Variants in ST7L observed in about 807,000 individuals in gnomAD.
ST7L encodes suppressor of tumorigenicity 7 protein-like.
A neutral mutation model predicts 72.5 loss-of-function variants in ST7L; 57 were observed. The observed-to-expected ratio is 0.79, with a 90% CI of 0.64 to 0.98. The LOEUF is 0.98. Ranked by LOEUF, ST7L falls within the 50% of genes least tolerant of loss-of-function variation. ST7L has a pLI of 0.00. For missense variants in ST7L, 576 were observed against 672.2 expected, an observed-to-expected ratio of 0.86 and a Z score of 1.58; for synonymous variants, 221 against 240.9, an observed-to-expected ratio of 0.92 and a Z score of 0.77.
intron 1 of ST7L, among the ~76,000 whole-genome samples, chr1:112,617,454 A>G (rs1035815813): frequency 6.6e-6 from 1 of 152,150 alleles, no homozygotes; most frequent in African/African-American, 2.4e-5. Context: ...GCTCACTCCC[A>G]TAATCTCAGA....
Position 112,555,999 on chromosome 1 carries a change from CTT to C in ST7L, c.1263_1264del (p.Ser422PhefsTer13). 6.2e-7 allele frequency: 1 copy of C among 1,602,874 alleles called. No individual in the cohort carries two copies. The highest frequency in any genetic ancestry group is 8.5e-7 in the Non-Finnish European group (1 of 1,174,158). ...AATGTGTTCTGGAGGTAAAATTAAA[CTT>C]TTCATCTCTAATAAATACTGAAAGA... On this transcript the variant is annotated frameshift_variant, in exon 12 of 15. Coordinates refer to ENST00000358039, the MANE Select transcript of ST7L (RefSeq NM_017744.5). LOFTEE classifies it high-confidence loss of function.
chr1:112,538,831 A>G (rs1223279864), intron 14 of ST7L, among the ~76,000 whole-genome samples: 11 of 152,306 alleles, frequency 7.2e-5, no homozygotes, highest in Non-Finnish European at 1.3e-4. Flanking sequence ...ACACTCACCT[A>G]GTTTTTACTG....
At chr1:112,618,842 C>A in intron 1 of ST7L, 67 bp downstream of exon 1, 2 of 1,533,144 alleles carry the variant, frequency 1.3e-6, no homozygotes, top group South Asian at 1.2e-5. Flanking sequence ...ATCTCTTGCC[C>A]TTTGGCTCTT....
chr1:112,591,572 A>C lies in ST7L; in HGVS notation c.654T>G (p.Pro218=). The C allele has an allele frequency of 6.2e-7, 1 of 1,611,694 alleles. No homozygotes were observed. The change falls in exon 6 of 15, where the codon CCT becomes CCG. Residue 218 remains proline (P), a synonymous_variant. Transcript: ENST00000358039. ...VMQKAWRERN[P]PARIKAAYQA... Reference sequence around the variant, plus strand: ...GATAGGCTGCTTTGATTCGAGCTGGAGGATTTCTTTCCCTCCAAGCCTTCT... The same window carrying C: ...GATAGGCTGCTTTGATTCGAGCTGGCGGATTTCTTTCCCTCCAAGCCTTCT...
intron 11 of ST7L, among the ~76,000 whole-genome samples, chr1:112,575,522 A>G (rs758282105): frequency 1.4e-4 from 21 of 152,238 alleles, no homozygotes; most frequent in Non-Finnish European, 2.9e-4. Context: ...CTATGATACC[A>G]TGACAGTCGA....
At chr1:112,574,414 C>G (rs1485911170) in intron 11 of ST7L, among the ~76,000 whole-genome samples, 5 of 151,630 alleles carry the variant, frequency 3.3e-5, no homozygotes, top group Non-Finnish European at 7.4e-5. Flanking sequence ...AATCCCAGCA[C>G]TTTGGGAGGC....
At chr1:112,548,188 G>A (rs1283080260) in intron 13 of ST7L, among the ~76,000 whole-genome samples, 2 of 151,870 alleles carry the variant, frequency 1.3e-5, no homozygotes. Context: ...AACCCTGTCT[G>A]TACTAAAAAT....
intron 3 of ST7L, among the ~76,000 whole-genome samples, chr1:112,603,128 A>T (rs947246464): frequency 2.6e-5 from 4 of 152,218 alleles, no homozygotes; most frequent in Non-Finnish European, 4.4e-5. Flanking sequence ...TGAAATTTTT[A>T]AAAATGTATG....
chr1:112,576,156 T>C (rs1387057569), intron 11 of ST7L, among the ~76,000 whole-genome samples: 1 of 152,140 alleles, frequency 6.6e-6, no homozygotes. Context: ...AGTGGCGTGA[T>C]TGCAGCTCAC....
At chr1:112,521,892 A>T (rs1652901335), downstream of ST7L, 1 of 152,084 alleles carries the variant, frequency 6.6e-6, no homozygotes, top group South Asian at 2.1e-4. Context: ...GTGGTATAGA[A>T]ATTTGCGGTT....
chr1:112,550,658 G>A lies in ST7L; in HGVS notation c.1432C>T (p.His478Tyr), dbSNP rs763763800. The stretch of plus-strand genomic sequence containing the variant: ...CAGCTGGGATAAGGGTAAAATAGAT[G>A]TCCTTTCTCTAACGGGTATGGAATC... The part of the protein sequence containing the change: ...RMIPYPLEKG[H>Y]LFYPYPSCTE... Residue 478 changes from histidine (H) to tyrosine (Y), a missense_variant, in exon 13 of 15, where the codon CAT becomes TAT. By Grantham distance (83) the His-to-Tyr change is moderately conservative. Coordinates refer to ENST00000358039, the MANE Select transcript of ST7L (RefSeq NM_017744.5). 5 of 1,613,316 alleles carry A rather than the reference G, an allele frequency of 3.1e-6. No homozygotes were observed. In the South Asian group the frequency reaches 5.5e-5, roughly 18 times the overall value.
intron 14 of ST7L, chr1:112,539,642 C>T (rs569752471): frequency 1.3e-5 from 12 of 893,566 alleles, no homozygotes; most frequent in East Asian, 2.5e-4. Context: ...GGTGACAGAG[C>T]GAGACTCTGT....
At position 112,574,416 on chromosome 1, in the gene ST7L, T is replaced by C. The variant is rs530033704; in HGVS notation, c.1245+2570A>G. ...GGCTCACGCCTGTAATCCCAGCACT[T>C]TGGGAGGCCAAGGCGGGCGGATCAC... On this transcript the variant is annotated intron_variant, in intron 11 of 14. Coordinates refer to ENST00000358039, the MANE Select transcript of ST7L (RefSeq NM_017744.5). Among the ~76,000 whole-genome samples, 17 of 151,548 alleles carry C rather than the reference T, an allele frequency of 1.1e-4. No homozygotes were observed. The South Asian group carries it at 3.6e-3, about 32-fold the overall frequency.
rs139579273 is a variant in ST7L, at chr1:112,557,682, A to C, written c.1246-1664T>G. Among the ~76,000 whole-genome samples, 125 of 152,298 alleles carry C rather than the reference A, an allele frequency of 8.2e-4. 1 individual carries two copies. Among genetic ancestry groups the C allele is most frequent in the African/African-American group, 2.8e-3 (115 of 41,556 alleles). On this transcript the variant is annotated intron_variant, in intron 11 of 14. Coordinates refer to ENST00000358039, the MANE Select transcript of ST7L (RefSeq NM_017744.5). ...ATGATTTAGAGGCTAGAAATAAACC[A>C]CTTGATGGGATTTGACTTGATATTT...
At chr1:112,607,973 C>T (rs529758329) in intron 3 of ST7L, among the ~76,000 whole-genome samples, 22 of 152,156 alleles carry the variant, frequency 1.4e-4, no homozygotes, top group African/African-American at 5.3e-4. Flanking sequence ...ATGAAGTTAT[C>T]CAGGGAGAAA....
At chr1:112,597,934 G>T in intron 5 of ST7L, 37 bp downstream of exon 5, 1 of 1,452,524 alleles carries the variant, frequency 6.9e-7, no homozygotes, top group Non-Finnish European at 9.4e-7. Context: ...TGATCTTCAT[G>T]ATCACTGTTT....
In ST7L at chr1:112,591,563, T is replaced by C; in HGVS notation, c.663A>G (p.Arg221=). The change falls in exon 6 of 15, where the codon CGA becomes CGG. Residue 221 remains arginine, a synonymous_variant. Transcript: ENST00000358039. The part of the protein sequence containing the change: ...KAWRERNPPA[R]IKAAYQALEL... ...CTAAAGCTTGATAGGCTGCTTTGAT[T>C]CGAGCTGGAGGATTTCTTTCCCTCC... 1 of 1,611,762 alleles carries C rather than the reference T, an allele frequency of 6.2e-7. No homozygotes were observed. The highest frequency in any genetic ancestry group is 1.1e-5 in the South Asian group (1 of 90,824).
At chr1:112,518,275 C>T in the ST7L span, 1 of 152,226 alleles carries the variant, frequency 6.6e-6, no homozygotes, top group Non-Finnish European at 1.5e-5. Flanking sequence ...ACATGCAATG[C>T]AGCAGAACTC....
In ST7L at chr1:112,565,528, G is replaced by C. The variant is rs774857395; in HGVS notation, c.1246-9510C>G. Among the ~76,000 whole-genome samples the C allele has an allele frequency of 9.9e-4, 150 of 152,178 alleles. 1 individual carries two copies. The highest frequency in any genetic ancestry group is 2.0e-3 in the Non-Finnish European group (136 of 68,008). On this transcript the variant is annotated intron_variant, in intron 11 of 14. Coordinates refer to ENST00000358039, the MANE Select transcript of ST7L (RefSeq NM_017744.5). ...TTCTGTAAGACACAAACTGTTTTCA[G>C]GGTATTGTAACTAATTCAAATTAGT...
Sources: allele counts gnomAD v4.1 joint callset (sites outside exome capture counted in the v4.1 genomes callset), GRCh38; gene constraint gnomAD v4.1.1; transcripts MANE v1.5; gene names NCBI Gene and HGNC (gene_info 2026-07-23, HGNC 2026-07-21).